BCO1: variants seen among roughly 807,000 people sequenced by gnomAD.
BCO1 encodes beta,beta-carotene 15,15'-dioxygenase.
In BCO1, 54 loss-of-function variants were observed where a neutral mutation model predicts 56.3. That is an observed-to-expected ratio of 0.96 (90% confidence interval 0.77 to 1.20). BCO1 has a LOEUF of 1.20. Ranked by LOEUF, BCO1 falls within the 50% of genes most tolerant of loss-of-function variation. The pLI, the probability that BCO1 is intolerant of heterozygous loss-of-function variation, is 0.00. For synonymous variants in BCO1, 318 were observed against 266.1 expected (o/e 1.20, Z -1.90); for missense variants, 801 against 690.9 (o/e 1.16, Z -1.79).
chr16:81,280,840 A>G lies in BCO1; in HGVS notation c.1102-17A>G. ...TACACGTTTTTATTTTACTTTTTGA[A>G]AACTGAATTTTTTCAGAATGCAGAA... On this transcript the variant is annotated splice_polypyrimidine_tract_variant and intron_variant, in intron 7 of 10. Coordinates refer to ENST00000258168, the MANE Select transcript of BCO1 (RefSeq NM_017429.3). The G allele has an allele frequency of 6.3e-7, 1 of 1,593,232 alleles. No individual in the cohort carries two copies. Among genetic ancestry groups the G allele is most frequent in the Non-Finnish European group, 8.6e-7 (1 of 1,160,826 alleles).
chr16:81,274,995 G>A (rs982021799), intron 7 of BCO1, among the ~76,000 whole-genome samples: 3 of 152,060 alleles, frequency 2.0e-5, no homozygotes, highest in Non-Finnish European at 2.9e-5. Context: ...CTCCAGCCAC[G>A]CTTTTTAATT....
chr16:81,273,865 A>G (rs1907390769), intron 7 of BCO1, among the ~76,000 whole-genome samples: 1 of 152,210 alleles, frequency 6.6e-6, no homozygotes, highest in African/African-American at 2.4e-5. Flanking sequence ...ATTAGGCATT[A>G]AAGACATCGT....
rs11646549 is a variant in BCO1, at chr16:81,245,877, T to C, written c.193+274T>C. Among the ~76,000 whole-genome samples the C allele has an allele frequency of 0.41, 50,405 of 124,278 alleles. 10,546 individuals carry two copies. The highest frequency in any genetic ancestry group is 0.53 in the African/African-American group (18,075 of 34,302). 81.5% of individuals were successfully genotyped at this position (124,278 alleles called of 152,430 possible). ...TTTTTTTTTTTTTTTTTTTTTTTTC[T>C]CTGAGACGGAGTTTTGCTCTTGTTG... On this transcript the variant is annotated intron_variant, in intron 2 of 10. Transcript: ENST00000258168.
At chr16:81,262,981 C>T (rs1369278408) in intron 4 of BCO1, 2 of 152,894 alleles carry the variant, frequency 1.3e-5, no homozygotes, top group Non-Finnish European at 1.5e-5. Flanking sequence ...CCTCCCTGGC[C>T]CCTTCCTGGC....
At chr16:81,244,697 G>A (rs1308300473) in intron 1 of BCO1, among the ~76,000 whole-genome samples, 2 of 148,010 alleles carry the variant, frequency 1.4e-5, no homozygotes, top group African/African-American at 2.5e-5. Context: ...CTTTTTCTAC[G>A]TCTGTAGCGT....
intron 2 of BCO1, among the ~76,000 whole-genome samples, chr16:81,254,042 T>A (rs1905973540): frequency 6.6e-6 from 1 of 152,284 alleles, no homozygotes; most frequent in African/African-American, 2.4e-5. Context: ...AAAGGCTAGA[T>A]GATTGTCTCT....
chr16:81,265,500 A>G (rs1906759326), intron 5 of BCO1, among the ~76,000 whole-genome samples: 1 of 96,836 alleles, frequency 1.0e-5, no homozygotes, highest in South Asian at 4.1e-4. Flanking sequence ...CCCATCATGA[A>G]TCCATTTATC....
At position 81,257,973 on chromosome 16, in the gene BCO1, G is replaced by T. The variant is rs149379947; in HGVS notation, c.194-1703G>T. On this transcript the variant is annotated intron_variant, in intron 2 of 10. Coordinates refer to ENST00000258168, the MANE Select transcript of BCO1 (RefSeq NM_017429.3). ...TGATCTGACATTAGGGATGGGCCCA[G>T]TGTAATCTCAAGAGAGAAGCAGGAG... 1.9e-3 allele frequency among the ~76,000 whole-genome samples: 288 copies of T among 152,178 alleles called. 1 individual carries two copies. Among genetic ancestry groups the T allele is most frequent in the African/African-American group, 6.7e-3 (277 of 41,540 alleles).
intron 2 of BCO1, among the ~76,000 whole-genome samples, chr16:81,252,267 T>C (rs1905854139): frequency 6.6e-6 from 1 of 151,964 alleles, no homozygotes; most frequent in Non-Finnish European, 1.5e-5. Flanking sequence ...TTTTGTTTTG[T>C]TTTGTTTTTT....
intron 7 of BCO1, among the ~76,000 whole-genome samples, chr16:81,271,906 T>A (rs1252970312): frequency 6.6e-6 from 1 of 151,346 alleles, no homozygotes; most frequent in African/African-American, 2.4e-5. Flanking sequence ...CCCACCACCA[T>A]GCCTAAGTTT....
At chr16:81,264,582 A>G (rs552460042) in intron 4 of BCO1, 58 bp from the exon 5 acceptor site, 375 of 1,588,046 alleles carry the variant, frequency 2.4e-4, no homozygotes, top group Non-Finnish European at 3.0e-4. Flanking sequence ...ATGATGTCAT[A>G]TCTTGCAGGT....
intron 2 of BCO1, among the ~76,000 whole-genome samples, 186 bp downstream of exon 2, chr16:81,245,789 C>G (rs1034517767): frequency 6.6e-6 from 1 of 150,998 alleles, no homozygotes. Flanking sequence ...AAAATATCCA[C>G]GTTCTTCCGT....
chr16:81,257,175 C>G (rs1280304868), intron 2 of BCO1, among the ~76,000 whole-genome samples: 1 of 152,184 alleles, frequency 6.6e-6, no homozygotes, highest in Non-Finnish European at 1.5e-5. Flanking sequence ...TGAAGCTTCT[C>G]CTGACTTATT....
At chr16:81,242,521 TC>T (rs1042294341) in intron 1 of BCO1, among the ~76,000 whole-genome samples, 4 of 152,088 alleles carry the variant, frequency 2.6e-5, no homozygotes, top group African/African-American at 9.7e-5. Context: ...TTTTCAGTGC[TC>T]CACTGCACAT....
Position 81,285,605 on chromosome 16 carries a change from G to A in BCO1, c.1273G>A (p.Gly425Arg). The change falls in exon 9 of 11, where the codon GGA (glycine) becomes AGA (arginine). Residue 425 changes from glycine to arginine, a missense_variant. By Grantham distance (125) the Gly-to-Arg change is moderately radical (BLOSUM62 -2). Coordinates refer to ENST00000258168, the MANE Select transcript of BCO1 (RefSeq NM_017429.3). Reference protein sequence around the residue: ...GKQYRYVFATGVQWSPIPTKI... With the variant: ...GKQYRYVFATRVQWSPIPTKI... ...GCAATACCGATATGTCTTTGCTACA[G>A]GAGTTCAGTGGAGTCCAATCCCAAC... 1 of 1,611,978 alleles carries A rather than the reference G, an allele frequency of 6.2e-7. No individual in the cohort carries two copies. The highest frequency in any genetic ancestry group is 8.5e-7 in the Non-Finnish European group (1 of 1,178,004).
chr16:81,274,770 C>T (rs574931629), intron 7 of BCO1, among the ~76,000 whole-genome samples: 7 of 152,086 alleles, frequency 4.6e-5, no homozygotes, highest in African/African-American at 1.7e-4. Flanking sequence ...CTTAGCTACT[C>T]AGGAGGCTGA....
rs1282403809 is a variant in BCO1 at position 81,270,355 on chromosome 16, A to T, written c.1040A>T (p.Asn347Ile). The change falls in exon 7 of 11, where the codon AAC becomes ATC. Residue 347 changes from asparagine (N) to isoleucine (I), a missense_variant. Asn to Ile is a moderately radical substitution (Grantham distance 149). Coordinates refer to ENST00000258168, the MANE Select transcript of BCO1 (RefSeq NM_017429.3). ...LANLNQDFKENSRLTSVPTLR... is the reference protein window; with the variant it reads ...LANLNQDFKEISRLTSVPTLR... ...AACCTGAACCAGGACTTCAAGGAGA[A>T]CTCCAGGCTCACCTCGGTCCCCACC... 6.2e-7 allele frequency: 1 copy of T among 1,613,768 alleles called. No homozygotes were observed. The highest frequency in any genetic ancestry group is 8.5e-7 in the Non-Finnish European group (1 of 1,179,980).
chr16:81,261,464 C>A (rs1417903262), intron 3 of BCO1, among the ~76,000 whole-genome samples: 1 of 152,172 alleles, frequency 6.6e-6, no homozygotes, highest in Non-Finnish European at 1.5e-5. Flanking sequence ...AAGCAGATAT[C>A]AGCTACGTTG....
chr16:81,275,478 G>A (rs953665258), intron 7 of BCO1, among the ~76,000 whole-genome samples: 4 of 152,228 alleles, frequency 2.6e-5, no homozygotes, highest in Admixed American at 1.3e-4. Context: ...CTCTAATGGC[G>A]CCTTGTAACT....
Sources: gnomAD v4.1 joint callset for allele counts (sites outside exome capture counted in the v4.1 genomes callset) on GRCh38, gnomAD v4.1.1 for gene constraint, MANE v1.5 for transcripts, NCBI Gene and HGNC (gene_info 2026-07-23, HGNC 2026-07-21) for gene names.